Variants in CTNNA2 observed in about 807,000 individuals in gnomAD.
The protein encoded by CTNNA2 is catenin alpha-2.
CTNNA2 carries 42 observed loss-of-function variants against 101.0 expected under a neutral mutation model. The ratio of observed to expected loss-of-function variants is 0.42; its 90% CI spans 0.32 to 0.54. The LOEUF is 0.54. CTNNA2 is among the 20% of genes least tolerant of loss of function. CTNNA2 has a pLI of 0.14. For synonymous variants in CTNNA2, 450 were observed against 456.4 expected (o/e 0.99, Z 0.18); for missense variants, 871 against 1,223.1 (o/e 0.71, Z 4.29).
chr2:79,398,913 T>C (rs889306304), intron 4 of CTNNA2, among the ~76,000 whole-genome samples: 4 of 151,980 alleles, frequency 2.6e-5, no homozygotes, highest in Non-Finnish European at 4.4e-5. Flanking sequence ...TGGTTTAGTA[T>C]GTCCAAATTT....
intron 3 of CTNNA2, among the ~76,000 whole-genome samples, chr2:79,744,988 T>A (rs1218926602): frequency 6.6e-6 from 1 of 152,196 alleles, no homozygotes; most frequent in Non-Finnish European, 1.5e-5. Flanking sequence ...TCTGCAAGTC[T>A]CAAATTCATG....
intron 1 of CTNNA2, among the ~76,000 whole-genome samples, chr2:79,570,295 A>G (rs1675382685): frequency 6.6e-6 from 1 of 152,116 alleles, no homozygotes; most frequent in South Asian, 2.1e-4. Flanking sequence ...AGTTTCTCTT[A>G]TGTATCTTTT....
chr2:80,262,478 G>T (rs975078534), intron 7 of CTNNA2, among the ~76,000 whole-genome samples: 7 of 152,054 alleles, frequency 4.6e-5, no homozygotes, highest in African/African-American at 7.2e-5. Flanking sequence ...GAATTCTTTC[G>T]AAATGTAACT....
intron 9 of CTNNA2, among the ~76,000 whole-genome samples, chr2:80,479,131 G>A (rs1415649258): frequency 2.6e-5 from 4 of 151,822 alleles, no homozygotes; most frequent in Admixed American, 6.6e-5. Flanking sequence ...ACACATATAA[G>A]TATTTTTAAA....
intron 9 of CTNNA2, among the ~76,000 whole-genome samples, chr2:80,512,041 T>C (rs1442951893): frequency 6.6e-6 from 1 of 150,740 alleles, no homozygotes; most frequent in African/African-American, 2.4e-5. Context: ...TCCCAGCTAC[T>C]TGGGAGGCTG....
At chr2:79,648,031 A>C (rs575315431) in intron 1 of CTNNA2, among the ~76,000 whole-genome samples, 1 of 152,254 alleles carries the variant, frequency 6.6e-6, no homozygotes, top group Admixed American at 6.5e-5. Context: ...CCAAAGCTCA[A>C]TAGCAATGGA....
At position 80,303,367 on chromosome 2, in the gene CTNNA2, C is replaced by A; in HGVS notation, c.1057-89844C>A. On this transcript the variant is annotated intron_variant, in intron 7 of 18. Transcript: ENST00000402739. This position sits in a 1 kb window ranked among gnomAD's most constrained non-coding sequence, Gnocchi z 7.7. ...GCCCGTGGAAGAGGTCGGGCGCGAGCGCCTGCAGCTTGTTGTACGAGAGGT... is the reference window on the plus strand; with the variant it reads ...GCCCGTGGAAGAGGTCGGGCGCGAGAGCCTGCAGCTTGTTGTACGAGAGGT... 6.2e-7 allele frequency: 1 copy of A among 1,614,108 alleles called. No homozygotes were observed. The highest frequency in any genetic ancestry group is 2.2e-5 in the East Asian group (1 of 44,848).
intron 2 of CTNNA2, among the ~76,000 whole-genome samples, chr2:79,264,559 G>A (rs1223326866): frequency 6.6e-6 from 1 of 152,058 alleles, no homozygotes; most frequent in East Asian, 1.9e-4. Flanking sequence ...GATAATTAAG[G>A]CAGTTGAAAT....
At chr2:79,729,598 CT>C (rs1317964667) in intron 2 of CTNNA2, among the ~76,000 whole-genome samples, 1 of 152,054 alleles carries the variant, frequency 6.6e-6, no homozygotes, top group Admixed American at 6.6e-5. Context: ...GAGCTGCTTT[CT>C]TTTTTTGTGT....
chr2:80,361,012 G>A (rs534044532), intron 7 of CTNNA2, among the ~76,000 whole-genome samples: 1 of 152,024 alleles, frequency 6.6e-6, no homozygotes, highest in African/African-American at 2.4e-5. Flanking sequence ...GGAATGGATG[G>A]TATACACGGA....
intron 1 of CTNNA2, among the ~76,000 whole-genome samples, chr2:79,538,455 G>C (rs1198037016): frequency 6.6e-6 from 1 of 152,108 alleles, no homozygotes; most frequent in Non-Finnish European, 1.5e-5. Context: ...GAATTGTTGA[G>C]GAATTACTGG....
intron 9 of CTNNA2, among the ~76,000 whole-genome samples, chr2:80,488,148 A>C (rs553974307): frequency 6.6e-6 from 1 of 152,314 alleles, no homozygotes; most frequent in South Asian, 2.1e-4. Context: ...TGAGTGAATT[A>C]GTTTTTGGAT....
intron 2 of CTNNA2, among the ~76,000 whole-genome samples, chr2:79,215,185 T>C (rs1479204710): frequency 2.6e-5 from 4 of 152,102 alleles, no homozygotes; most frequent in Non-Finnish European, 5.9e-5. Flanking sequence ...AGTCCGATTT[T>C]CAGTGGGGTC....
chr2:80,596,268 G>C (rs1696945487), intron 15 of CTNNA2, among the ~76,000 whole-genome samples: 1 of 109,774 alleles, frequency 9.1e-6, no homozygotes, highest in Non-Finnish European at 1.8e-5. Context: ...TTTTTGGGCT[G>C]AGACAAGGTT....
intron 7 of CTNNA2, among the ~76,000 whole-genome samples, chr2:80,020,993 C>CTTT (rs869061321): frequency 0.03 from 2,672 of 89,346 alleles, 392 homozygotes; most frequent in African/African-American, 0.11. Flanking sequence ...GACCAATCAT[C>CTTT]TTTTTTTTTT....
chr2:79,216,638 G>A (rs1003541440), intron 2 of CTNNA2, among the ~76,000 whole-genome samples: 1 of 151,772 alleles, frequency 6.6e-6, no homozygotes, highest in Non-Finnish European at 1.5e-5. Flanking sequence ...ATGCAGAGAA[G>A]GGGTTGGGGG....
At chr2:80,045,143 A>G (rs902332370) in intron 7 of CTNNA2, among the ~76,000 whole-genome samples, 1 of 152,188 alleles carries the variant, frequency 6.6e-6, no homozygotes, top group Non-Finnish European at 1.5e-5. Flanking sequence ...CAAGGGGGCC[A>G]GGCAAAGTTT....
chr2:79,413,931 A>G (rs1263185685), intron 4 of CTNNA2, among the ~76,000 whole-genome samples: 1 of 86,508 alleles, frequency 1.2e-5, no homozygotes, highest in Non-Finnish European at 2.2e-5. Context: ...ATTGAGCTGA[A>G]TTCATATATA....
chr2:79,990,782 G>C (rs889013824), intron 7 of CTNNA2, among the ~76,000 whole-genome samples: 1 of 152,168 alleles, frequency 6.6e-6, no homozygotes, highest in Non-Finnish European at 1.5e-5. Context: ...TCAGGATGAT[G>C]CTGGCCTCAT....
Sources: allele counts gnomAD v4.1 joint callset (sites outside exome capture counted in the v4.1 genomes callset), GRCh38; gene constraint gnomAD v4.1.1; non-coding constraint Gnocchi (gnomAD v3.1); transcripts MANE v1.5; gene names NCBI Gene and HGNC (gene_info 2026-07-23, HGNC 2026-07-21).